GIPC2: variants seen among roughly 807,000 people sequenced by gnomAD.
GIPC2 encodes the protein GIPC PDZ domain containing family member 2, also known as PDZ domain-containing protein GIPC2.
In GIPC2, 30 loss-of-function variants were observed where a neutral mutation model predicts 30.6. The observed-to-expected ratio is 0.98, with a 90% CI of 0.73 to 1.33. GIPC2 has a LOEUF of 1.33. Among genes scored for constraint, GIPC2 ranks in the 40% most tolerant of loss-of-function variants. The pLI is 0.00. For missense variants in GIPC2, 414 were observed against 390.3 expected (o/e 1.06, Z -0.51); for synonymous variants, 167 against 150.0 (o/e 1.11, Z -0.83).
At chr1:78,073,108 CT>C (rs781384738) in intron 1 of GIPC2, among the ~76,000 whole-genome samples, 279 of 137,316 alleles carry the variant, frequency 2.0e-3, no homozygotes, top group Non-Finnish European at 2.2e-3. Flanking sequence ...CATGCCCGGC[CT>C]TTTTTTTTTT....
At chr1:78,044,972 CG>C (rs1297080536), upstream of GIPC2, 1 of 335,554 alleles carries the variant, frequency 3.0e-6, no homozygotes, top group African/African-American at 2.2e-5. Context: ...GAAAAACTGT[CG>C]GTGAATGCAA....
chr1:78,117,122 A>C (rs1662582694), intron 3 of GIPC2, among the ~76,000 whole-genome samples: 1 of 152,236 alleles, frequency 6.6e-6, no homozygotes, highest in African/African-American at 2.4e-5. Context: ...AATATGCAGA[A>C]TCTACAAATA....
At chr1:78,099,727 T>C (rs1662205202) in intron 3 of GIPC2, among the ~76,000 whole-genome samples, 1 of 152,086 alleles carries the variant, frequency 6.6e-6, no homozygotes. Flanking sequence ...CGTGAGTCAC[T>C]GCGCCCAGCC....
intron 1 of GIPC2, among the ~76,000 whole-genome samples, chr1:78,048,177 G>C (rs189478307): frequency 6.6e-6 from 1 of 152,218 alleles, no homozygotes; most frequent in Admixed American, 6.5e-5. Context: ...ATAACACCTT[G>C]GTAAGTAGAG....
chr1:78,094,924 T>C, intron 2 of GIPC2, 28 bp from the exon 3 acceptor site: 1 of 1,457,374 alleles, frequency 6.9e-7, no homozygotes, highest in Non-Finnish European at 9.6e-7. Context: ...TTCTATTTTA[T>C]ATTATGTTAT....
intron 2 of GIPC2, among the ~76,000 whole-genome samples, chr1:78,083,671 G>GA (rs1661872945): frequency 6.6e-6 from 1 of 152,010 alleles, no homozygotes; most frequent in African/African-American, 2.4e-5. Flanking sequence ...TTATGGTAGG[G>GA]AAAAAGCTGC....
chr1:78,069,151 G>T, intron 1 of GIPC2: 1 of 919,914 alleles, frequency 1.1e-6, no homozygotes, highest in Non-Finnish European at 1.3e-6. Context: ...GCAGTGCCTG[G>T]GTATCTCCAA....
At chr1:78,108,734 AGT>A (rs1175878942) in intron 3 of GIPC2, among the ~76,000 whole-genome samples, 1 of 152,104 alleles carries the variant, frequency 6.6e-6, no homozygotes, top group Non-Finnish European at 1.5e-5. Context: ...TATCCTGAGG[AGT>A]GTGTACATAG....
At chr1:78,119,247 G>C (rs991293345) in intron 3 of GIPC2, 146 bp from the exon 4 acceptor site, 5 of 526,414 alleles carry the variant, frequency 9.5e-6, no homozygotes, top group Non-Finnish European at 1.7e-5. Context: ...ATTTTGCTTC[G>C]GGAAATTCTA....
intron 4 of GIPC2, among the ~76,000 whole-genome samples, chr1:78,123,204 G>A (rs754009088): frequency 9.6e-5 from 14 of 145,948 alleles, no homozygotes; most frequent in Admixed American, 3.5e-4. Context: ...AGGTTGCAGC[G>A]AGCCGAGATT....
At chr1:78,085,385 A>G (rs1661908405) in intron 2 of GIPC2, among the ~76,000 whole-genome samples, 2 of 152,150 alleles carry the variant, frequency 1.3e-5, no homozygotes, top group Admixed American at 6.5e-5. Flanking sequence ...ATTGGCCTGA[A>G]GTTTTCTTTT....
chr1:78,046,356 C>G (rs1171209278), intron 1 of GIPC2, 22 bp downstream of exon 1: 1 of 1,561,430 alleles, frequency 6.4e-7, no homozygotes, highest in Non-Finnish European at 8.7e-7. Context: ...GGTGCTCAGG[C>G]TCTCCCGCCT....
chr1:78,098,426 C>A (rs978661265), intron 3 of GIPC2, among the ~76,000 whole-genome samples: 1 of 152,104 alleles, frequency 6.6e-6, no homozygotes, highest in African/African-American at 2.4e-5. Flanking sequence ...GACTATACTT[C>A]TAGGAAGATT....
At chr1:78,115,841 T>C (rs1447590190) in intron 3 of GIPC2, among the ~76,000 whole-genome samples, 1 of 152,244 alleles carries the variant, frequency 6.6e-6, no homozygotes, top group African/African-American at 2.4e-5. Context: ...ACTTATGTTT[T>C]ATGTTTTGGT....
chr1:78,085,510 G>T (rs1419578800), intron 2 of GIPC2, among the ~76,000 whole-genome samples: 2 of 149,586 alleles, frequency 1.3e-5, no homozygotes, highest in Middle Eastern at 3.2e-3. Flanking sequence ...GCTTTTCTTT[G>T]TATATTTGAT....
intron 1 of GIPC2, among the ~76,000 whole-genome samples, chr1:78,072,423 A>G (rs2100328685): frequency 6.6e-6 from 1 of 151,836 alleles, no homozygotes; most frequent in East Asian, 2.0e-4. Flanking sequence ...ACATTTACCA[A>G]ATATTTTGGG....
chr1:78,101,385 C>T (rs1214955472), intron 3 of GIPC2, among the ~76,000 whole-genome samples: 1 of 152,186 alleles, frequency 6.6e-6, no homozygotes, highest in Admixed American at 6.5e-5. Flanking sequence ...CAGTAGGTTT[C>T]AACCAGTGTG....
intron 3 of GIPC2, among the ~76,000 whole-genome samples, chr1:78,103,800 A>C (rs539499714): frequency 6.6e-6 from 1 of 152,324 alleles, no homozygotes; most frequent in South Asian, 2.1e-4. Flanking sequence ...AGAGGTAGTA[A>C]GATTGGAAAG....
At chr1:78,135,428 G>C (rs1366511341) in intron 5 of GIPC2, among the ~76,000 whole-genome samples, 164 bp from the exon 6 acceptor site, 1 of 152,176 alleles carries the variant, frequency 6.6e-6, no homozygotes, top group East Asian at 1.9e-4. Flanking sequence ...ATGTGTGTGT[G>C]TGAGAGAGGG....
Sources: gnomAD v4.1 joint callset for allele counts (sites outside exome capture counted in the v4.1 genomes callset) on GRCh38, gnomAD v4.1.1 for gene constraint, MANE v1.5 for transcripts, NCBI Gene and HGNC (gene_info 2026-07-23, HGNC 2026-07-21) for gene names.